SAMSN1: variants seen among roughly 807,000 people sequenced by gnomAD.
The protein encoded by SAMSN1 is SAM domain, SH3 domain and nuclear localization signals 1.
In SAMSN1, 31 loss-of-function variants were observed where a neutral mutation model predicts 42.0. That is an observed-to-expected ratio of 0.74 (90% confidence interval 0.55 to 1.00). The LOEUF (loss-of-function observed/expected upper bound fraction) is 1.00. Ranked by LOEUF, SAMSN1 falls within the 50% of genes least tolerant of loss-of-function variation. SAMSN1 has a pLI of 0.00. For missense variants in SAMSN1, 464 were observed against 439.4 expected, an observed-to-expected ratio of 1.06 and a Z score of -0.50; for synonymous variants, 178 against 151.9, an observed-to-expected ratio of 1.17 and a Z score of -1.26.
chr21:14,617,651 C>T (rs1449047870), intron 2 of SAMSN1, among the ~76,000 whole-genome samples: 1 of 152,140 alleles, frequency 6.6e-6, no homozygotes, highest in African/African-American at 2.4e-5. Flanking sequence ...ATGAATGTTG[C>T]CGTCTTCAAA....
chr21:14,627,354 C>A (rs1219692032), intron 2 of SAMSN1, among the ~76,000 whole-genome samples: 2 of 152,042 alleles, frequency 1.3e-5, no homozygotes, highest in Non-Finnish European at 2.9e-5. Flanking sequence ...TGCATATACC[C>A]CAATAAAAGT....
intron 1 of SAMSN1, among the ~76,000 whole-genome samples, chr21:14,526,625 G>A (rs542124114): frequency 1.3e-5 from 2 of 152,172 alleles, no homozygotes; most frequent in Non-Finnish European, 2.9e-5. Context: ...TAAGGAAACT[G>A]TTGAAACCAG....
rs201434147 is a variant in SAMSN1, at chr21:14,510,425, C to G, written c.446G>C (p.Arg149Pro). The G allele has an allele frequency of 3.7e-6, 6 of 1,614,180 alleles. No homozygotes were observed. The African/African-American group carries it at 4.0e-5, about 11-fold the overall frequency. ...ITSCSDGTSN[R>P]DSFRLDDDGP... is the part of the protein sequence containing the mutation. ...ATCGTCATCCAGTCGAAAGCTGTCC[C>G]GGTTACTTGTACCATCTGAACAGCT... The change falls in exon 5 of 8, where the codon CGG becomes CCG. Residue 149 changes from arginine to proline, a missense_variant. Transcript: ENST00000400566.
chr21:14,516,241 T>C (rs1987911903), intron 3 of SAMSN1, among the ~76,000 whole-genome samples: 1 of 152,208 alleles, frequency 6.6e-6, no homozygotes, highest in Admixed American at 6.5e-5. Context: ...AATCACTAAG[T>C]GATAAATGGA....
At position 14,512,435 on chromosome 21, in the gene SAMSN1, T is replaced by C; in HGVS notation, c.409+9A>G. The C allele has an allele frequency of 6.2e-7, 1 of 1,613,270 alleles. No homozygotes were observed. The highest frequency in any genetic ancestry group is 8.5e-7 in the Non-Finnish European group (1 of 1,179,326). On this transcript the variant is annotated intron_variant, in intron 4 of 7. Coordinates refer to ENST00000400566, the MANE Select transcript of SAMSN1 (RefSeq NM_022136.5). ...ACCCAGGATCTTGTCCCTGATTCATTAGCCTTACTTGATGAGCTCTGTCCA... is the reference window on the plus strand; with the variant it reads ...ACCCAGGATCTTGTCCCTGATTCATCAGCCTTACTTGATGAGCTCTGTCCA...
chr21:14,521,789 C>T (rs2123041769), intron 1 of SAMSN1, among the ~76,000 whole-genome samples: 1 of 151,856 alleles, frequency 6.6e-6, no homozygotes, highest in African/African-American at 2.4e-5. Flanking sequence ...GATGGGTTGA[C>T]AGGTGCAGCA....
chr21:14,577,276 A>ATT (rs1568816204), intron 2 of SAMSN1, among the ~76,000 whole-genome samples: 1 of 50,338 alleles, frequency 2.0e-5, no homozygotes, highest in African/African-American at 1.2e-4. Flanking sequence ...ATATATATAT[A>ATT]TATATATATT....
At chr21:14,521,941 C>T (rs993336281) in intron 1 of SAMSN1, among the ~76,000 whole-genome samples, 3 of 150,982 alleles carry the variant, frequency 2.0e-5, no homozygotes, top group African/African-American at 7.3e-5. Flanking sequence ...CTATTACCAA[C>T]TCTTGATCAT....
intron 2 of SAMSN1, among the ~76,000 whole-genome samples, chr21:14,556,302 G>C (rs1368276070): frequency 6.6e-6 from 1 of 152,088 alleles, no homozygotes; most frequent in African/African-American, 2.4e-5. Flanking sequence ...TGATCTTCAT[G>C]CCATCATCTT....
intron 2 of SAMSN1, among the ~76,000 whole-genome samples, chr21:14,633,649 G>A (rs1488459107): frequency 6.6e-6 from 1 of 152,198 alleles, no homozygotes; most frequent in African/African-American, 2.4e-5. Context: ...AAATGGAGCA[G>A]GGTAGTTCTA....
At chr21:14,615,320 G>A (rs200888934) in intron 3 of SAMSN1, among the ~76,000 whole-genome samples, 18 of 150,394 alleles carry the variant, frequency 1.2e-4, no homozygotes, top group Admixed American at 1.3e-4. Context: ...GAATAAAAAA[G>A]AAAAAAAAAG....
chr21:14,564,071 A>G (rs1229905954), intron 2 of SAMSN1, among the ~76,000 whole-genome samples: 1 of 152,138 alleles, frequency 6.6e-6, no homozygotes, highest in African/African-American at 2.4e-5. Context: ...ATTGGTAAAT[A>G]CATTCGTTTT....
At chr21:14,560,961 T>G (rs2039237) in intron 2 of SAMSN1, among the ~76,000 whole-genome samples, 11,362 of 152,266 alleles carry the variant, frequency 0.075, 502 homozygotes, top group Middle Eastern at 0.16. Context: ...GCAAAACTAA[T>G]GAAAGGCCAC....
intron 1 of SAMSN1, among the ~76,000 whole-genome samples, chr21:14,525,967 C>A (rs1318681417): frequency 6.6e-6 from 1 of 152,094 alleles, no homozygotes. Flanking sequence ...TGGATTGAAG[C>A]GATTCTCCTG....
At chr21:14,635,478 T>C (rs1407182750) in intron 2 of SAMSN1, among the ~76,000 whole-genome samples, 1 of 152,218 alleles carries the variant, frequency 6.6e-6, no homozygotes, top group Non-Finnish European at 1.5e-5. Flanking sequence ...AACACTCCAC[T>C]ATACCTAGGT....
At chr21:14,559,432 C>T (rs532724122) in intron 2 of SAMSN1, among the ~76,000 whole-genome samples, 1 of 152,264 alleles carries the variant, frequency 6.6e-6, no homozygotes, top group South Asian at 2.1e-4. Context: ...CCCTAATAAG[C>T]TTAAGAGTCT....
intron 1 of SAMSN1, among the ~76,000 whole-genome samples, chr21:14,533,394 T>C (rs1050453697): frequency 6.6e-6 from 1 of 152,222 alleles, no homozygotes; most frequent in Non-Finnish European, 1.5e-5. Flanking sequence ...TCCAGGAGTT[T>C]AAGCTGTTAA....
intron 3 of SAMSN1, among the ~76,000 whole-genome samples, chr21:14,514,097 T>C (rs1351157512): frequency 6.6e-6 from 1 of 152,206 alleles, no homozygotes; most frequent in African/African-American, 2.4e-5. Flanking sequence ...GAGCCCATTC[T>C]AGTGGAATGT....
At chr21:14,528,471 T>C (rs1407090797) in intron 1 of SAMSN1, among the ~76,000 whole-genome samples, 1 of 152,018 alleles carries the variant, frequency 6.6e-6, no homozygotes, top group Non-Finnish European at 1.5e-5. Context: ...GCAGATGTAC[T>C]AAAAAAAGGC....
Sources: allele counts gnomAD v4.1 joint callset (sites outside exome capture counted in the v4.1 genomes callset), GRCh38; gene constraint gnomAD v4.1.1; transcripts MANE v1.5; gene names NCBI Gene and HGNC (gene_info 2026-07-23, HGNC 2026-07-21).